AGBL4: variants seen among roughly 807,000 people sequenced by gnomAD.
AGBL4 encodes the protein AGBL carboxypeptidase 4, also known as cytosolic carboxypeptidase 6.
Under a neutral mutation model 66.4 loss-of-function variants are expected in AGBL4, and 58 were observed. The ratio of observed to expected loss-of-function variants is 0.87; its 90% CI spans 0.71 to 1.09. The LOEUF (loss-of-function observed/expected upper bound fraction) is 1.09, where lower values mean the gene tolerates loss of function less well. Ranked by LOEUF, AGBL4 falls within the 50% of genes least tolerant of loss-of-function variation. The pLI is 0.00. For missense variants in AGBL4, 579 were observed against 631.0 expected (o/e 0.92, Z 0.88); for synonymous variants, 234 against 222.9 (o/e 1.05, Z -0.44).
At chr1:49,568,150 TA>T (rs1480651707) in intron 3 of AGBL4, among the ~76,000 whole-genome samples, 1 of 151,430 alleles carries the variant, frequency 6.6e-6, no homozygotes. Context: ...AGCAATCAAG[TA>T]AAAGAAAAAA....
intron 5 of AGBL4, among the ~76,000 whole-genome samples, chr1:48,965,943 A>G (rs1658381071): frequency 6.6e-6 from 1 of 152,174 alleles, no homozygotes; most frequent in East Asian, 1.9e-4. Flanking sequence ...ATGCACTGTA[A>G]AAGAAAGAAC....
intron 3 of AGBL4, among the ~76,000 whole-genome samples, chr1:49,442,423 T>A (rs1463216898): frequency 6.6e-6 from 1 of 152,192 alleles, no homozygotes; most frequent in Non-Finnish European, 1.5e-5. Context: ...TAGTCACAAA[T>A]TCTAGTCTCT....
intron 6 of AGBL4, among the ~76,000 whole-genome samples, chr1:48,706,581 C>G (rs1315224381): frequency 6.6e-6 from 1 of 151,814 alleles, no homozygotes. Flanking sequence ...TGGAAAGCTG[C>G]AAGTACATAA....
chr1:49,589,360 A>G (rs1403973103), intron 3 of AGBL4, among the ~76,000 whole-genome samples: 2 of 152,088 alleles, frequency 1.3e-5, no homozygotes, highest in Admixed American at 1.3e-4. Context: ...TCAAGCTTGC[A>G]TTTGGACCCT....
chr1:48,890,394 A>G lies in AGBL4; in HGVS notation c.595-23164T>C, dbSNP rs112886261. 1.7e-3 allele frequency among the ~76,000 whole-genome samples: 258 copies of G among 152,300 alleles called. 3 individuals carry two copies. Among genetic ancestry groups the G allele is most frequent in the African/African-American group, 5.7e-3 (239 of 41,566 alleles). ...TGCAGGATTGTGGTGAGGATTAAAT[A>G]TTATATTACTTTAAAGGGTACTAGT... On this transcript the variant is annotated intron_variant, in intron 5 of 13. Coordinates refer to ENST00000371839, the MANE Select transcript of AGBL4 (RefSeq NM_032785.4).
At chr1:48,839,273 A>G (rs1646747419) in intron 6 of AGBL4, among the ~76,000 whole-genome samples, 1 of 152,142 alleles carries the variant, frequency 6.6e-6, no homozygotes, top group Non-Finnish European at 1.5e-5. Flanking sequence ...ACTGGACTCA[A>G]TCTAAGCAAC....
intron 4 of AGBL4, among the ~76,000 whole-genome samples, chr1:49,090,178 A>C (rs1644977707): frequency 6.6e-6 from 1 of 152,162 alleles, no homozygotes; most frequent in Non-Finnish European, 1.5e-5. Flanking sequence ...AACTGGAACA[A>C]GATAAGAATG....
chr1:48,563,623 G>T (rs937726148), intron 11 of AGBL4, among the ~76,000 whole-genome samples: 5 of 149,824 alleles, frequency 3.3e-5, no homozygotes, highest in Admixed American at 2.7e-4. Context: ...GAATTAGAAG[G>T]AAAAACAAAC....
chr1:48,596,533 CTTTCTT>C (rs1450249929), intron 9 of AGBL4, among the ~76,000 whole-genome samples: 1 of 152,142 alleles, frequency 6.6e-6, no homozygotes, highest in Admixed American at 6.5e-5. Flanking sequence ...ATTGAGGACT[CTTTCTT>C]TAATATCAAC....
intron 3 of AGBL4, among the ~76,000 whole-genome samples, chr1:49,526,333 A>T (rs1317686865): frequency 6.6e-6 from 1 of 152,052 alleles, no homozygotes; most frequent in Non-Finnish European, 1.5e-5. Context: ...CTTGTCCTTG[A>T]TCTTACATTT....
In AGBL4 at chr1:49,332,866, AT is replaced by A. The variant is rs1645361849; in HGVS notation, c.283-87003del. On this transcript the variant is annotated intron_variant, in intron 3 of 13. Coordinates refer to ENST00000371839, the MANE Select transcript of AGBL4 (RefSeq NM_032785.4). ...ACTGTCTTCCACAATGGTTGAACTAATTTACACTCCCACCAACAGTGTAAAA... is the reference window on the plus strand; with the variant it reads ...ACTGTCTTCCACAATGGTTGAACTAATTACACTCCCACCAACAGTGTAAAA... 2.0e-5 allele frequency among the ~76,000 whole-genome samples: 3 copies of A among 152,130 alleles called. No homozygotes were observed. In the South Asian group the frequency reaches 6.2e-4, roughly 31 times the overall value.
At chr1:49,963,232 C>T (rs1444424246) in intron 1 of AGBL4, among the ~76,000 whole-genome samples, 1 of 152,128 alleles carries the variant, frequency 6.6e-6, no homozygotes, top group Admixed American at 6.6e-5. Context: ...AAGTAGTTTC[C>T]TTTTGCCCCA....
chr1:49,472,701 T>A (rs1646768558), intron 3 of AGBL4, among the ~76,000 whole-genome samples: 1 of 152,034 alleles, frequency 6.6e-6, no homozygotes, highest in Non-Finnish European at 1.5e-5. Flanking sequence ...GGGGTACATG[T>A]GCAGGTTTGT....
chr1:49,014,612 C>T (rs72682955), intron 5 of AGBL4, among the ~76,000 whole-genome samples: 38 of 152,284 alleles, frequency 2.5e-4, no homozygotes, highest in Middle Eastern at 3.4e-3. Flanking sequence ...AGGTCAGCCT[C>T]TTCATATTAT....
intron 5 of AGBL4, among the ~76,000 whole-genome samples, chr1:49,018,114 C>G (rs575165895): frequency 4.5e-4 from 68 of 152,174 alleles, no homozygotes; most frequent in Non-Finnish European, 9.0e-4. Context: ...GTTATTAGCT[C>G]CTACCTGACC....
intron 5 of AGBL4, among the ~76,000 whole-genome samples, chr1:49,027,365 G>A (rs980257561): frequency 2.6e-5 from 4 of 152,044 alleles, no homozygotes; most frequent in African/African-American, 4.8e-5. Context: ...GTTTCACTAT[G>A]TTGGCCAGGC....
intron 3 of AGBL4, among the ~76,000 whole-genome samples, chr1:49,434,739 T>C (rs1259300591): frequency 2.6e-5 from 4 of 151,632 alleles, no homozygotes; most frequent in African/African-American, 9.7e-5. Context: ...GTGGTGTGTG[T>C]GTGACTATAT....
rs886152652 is a variant in AGBL4, at chr1:49,057,738, T to A, written c.378-11938A>T. Among the ~76,000 whole-genome samples, 5 of 152,122 alleles carry A rather than the reference T, an allele frequency of 3.3e-5. No individual in the cohort carries two copies. The East Asian group carries it at 9.6e-4, about 29-fold the overall frequency. On this transcript the variant is annotated intron_variant, in intron 4 of 13. Transcript: ENST00000371839. Reference sequence around the variant, plus strand: ...TCAATTTATAATTATGCATGTGTGGTGCTTGTTTGTTTATAGTTTATATTT... The same window carrying A: ...TCAATTTATAATTATGCATGTGTGGAGCTTGTTTGTTTATAGTTTATATTT...
chr1:48,852,627 G>T (rs1222390038), intron 6 of AGBL4, among the ~76,000 whole-genome samples: 1 of 152,124 alleles, frequency 6.6e-6, no homozygotes, highest in Non-Finnish European at 1.5e-5. Context: ...AATAGAAAAT[G>T]TTTCACACTT....
Sources: gnomAD v4.1 joint callset for allele counts (sites outside exome capture counted in the v4.1 genomes callset) on GRCh38, gnomAD v4.1.1 for gene constraint, MANE v1.5 for transcripts, NCBI Gene and HGNC (gene_info 2026-07-23, HGNC 2026-07-21) for gene names.